The following TULP4 variants were observed in gnomAD, a reference collection of about 807,000 sequenced individuals.
TULP4 encodes tubby-related protein 4.
TULP4 carries 16 observed loss-of-function variants against 129.0 expected under a neutral mutation model. The ratio of observed to expected loss-of-function variants is 0.12; its 90% CI spans 0.08 to 0.19. The LOEUF (loss-of-function observed/expected upper bound fraction) is 0.19, where lower values mean the gene tolerates loss of function less well. Ranked by LOEUF, TULP4 falls within the 10% of genes least tolerant of loss-of-function variation. The pLI is 1.00. For missense variants in TULP4, 1,842 were observed against 2,059.1 expected (o/e 0.89, Z 2.04); for synonymous variants, 998 against 854.0 (o/e 1.17, Z -2.94).
intron 1 of TULP4, among the ~76,000 whole-genome samples, chr6:158,245,159 ATTTT>A (rs76155193): frequency 7.3e-6 from 1 of 136,366 alleles, no homozygotes; most frequent in African/African-American, 2.7e-5. Context: ...GGTCAATTAA[ATTTT>A]TTTTTTTTTT....
intron 6 of TULP4, among the ~76,000 whole-genome samples, chr6:158,469,613 C>G (rs1015483979): frequency 1.3e-5 from 2 of 151,872 alleles, no homozygotes; most frequent in Non-Finnish European, 2.9e-5. Flanking sequence ...AGCCACATCT[C>G]TAAGTGTGGA....
chr6:158,310,402 C>T (rs900950046), upstream of TULP4: 1 of 150,368 alleles, frequency 6.7e-6, no homozygotes, highest in African/African-American at 2.5e-5. Flanking sequence ...CTCACCGCAA[C>T]CTCTGCCTTT....
chr6:158,311,373 A>G (rs1779347948), upstream of TULP4, among the ~76,000 whole-genome samples: 1 of 151,408 alleles, frequency 6.6e-6, no homozygotes, highest in Non-Finnish European at 1.5e-5. Flanking sequence ...GCGGGAGGGC[A>G]GGGAGGATGA....
chr6:158,394,662 C>T (rs534912387), intron 1 of TULP4, among the ~76,000 whole-genome samples: 2 of 151,480 alleles, frequency 1.3e-5, no homozygotes, highest in South Asian at 4.2e-4. Context: ...TGGCGGGCGC[C>T]TGTAGTCCCA....
At chr6:158,483,765 A>G (rs550189175) in intron 8 of TULP4, among the ~76,000 whole-genome samples, 22 of 152,076 alleles carry the variant, frequency 1.4e-4, no homozygotes, top group Non-Finnish European at 2.6e-4. Flanking sequence ...ATTACGATTC[A>G]TTAGGGCTGG....
intron 6 of TULP4, among the ~76,000 whole-genome samples, chr6:158,474,364 G>A (rs1365292274): frequency 6.6e-6 from 1 of 152,236 alleles, no homozygotes; most frequent in Non-Finnish European, 1.5e-5. Flanking sequence ...GAAACCCTGT[G>A]CTGGCACTGC....
chr6:158,406,279 C>T (rs1408630031), intron 1 of TULP4, among the ~76,000 whole-genome samples: 10 of 152,138 alleles, frequency 6.6e-5, no homozygotes. Context: ...GAGCACTAAA[C>T]ATTTATGTTT....
chr6:158,362,236 T>C (rs1002985310), intron 1 of TULP4, among the ~76,000 whole-genome samples: 2 of 152,230 alleles, frequency 1.3e-5, no homozygotes, highest in African/African-American at 4.8e-5. Flanking sequence ...AATGATCCTT[T>C]ATGGAAAACA....
intron 3 of TULP4, among the ~76,000 whole-genome samples, chr6:158,435,153 A>T (rs929229401): frequency 1.3e-5 from 2 of 152,154 alleles, no homozygotes; most frequent in African/African-American, 2.4e-5. Context: ...ATCTTAAGAC[A>T]ATTTCAAGGC....
intron 8 of TULP4, among the ~76,000 whole-genome samples, chr6:158,489,168 A>C (rs1233489026): frequency 6.6e-6 from 1 of 152,174 alleles, no homozygotes; most frequent in Non-Finnish European, 1.5e-5. Context: ...CAGGCTTGGC[A>C]TCCGCAAGGG....
At chr6:158,308,634 AC>A (rs1180889372), upstream of TULP4, among the ~76,000 whole-genome samples, 10 of 140,252 alleles carry the variant, frequency 7.1e-5, no homozygotes, top group African/African-American at 1.4e-4. Flanking sequence ...CGGGGGGCTG[AC>A]CCCCCCACCT....
intron 8 of TULP4, among the ~76,000 whole-genome samples, chr6:158,484,614 C>T (rs553051702): frequency 5.4e-4 from 82 of 152,062 alleles, no homozygotes; most frequent in African/African-American, 1.9e-3. Context: ...GATTTAGTTA[C>T]TGGCCTTAAA....
chr6:158,423,467 A>G (rs892425239), intron 2 of TULP4, among the ~76,000 whole-genome samples: 2 of 140,476 alleles, frequency 1.4e-5, no homozygotes, highest in Non-Finnish European at 3.3e-5. Context: ...AAGAAATGAT[A>G]AATGTTTAAC....
rs546014244 is a variant in TULP4 at position 158,509,774 on chromosome 6, C to G, written c.*3080C>G. ...CTACCCAGGGGCCTGAAAAGAGGGG[C>G]TGCCCTCCTGCGCCAAGGCAGACAC... On this transcript the variant is annotated 3_prime_UTR_variant, in exon 14 of 14. Coordinates refer to ENST00000367097, the MANE Select transcript of TULP4 (RefSeq NM_020245.5). 6.6e-6 allele frequency: 1 copy of G among 152,364 alleles called. No individual in the cohort carries two copies. Among genetic ancestry groups the G allele is most frequent in the East Asian group, 1.9e-4 (1 of 5,188 alleles). 9.4% of individuals were successfully genotyped at this position (152,364 alleles called of 1,614,324 possible).
intron 1 of TULP4, among the ~76,000 whole-genome samples, chr6:158,335,991 T>C (rs1160715792): frequency 6.6e-6 from 1 of 152,214 alleles, no homozygotes; most frequent in African/African-American, 2.4e-5. Context: ...TGAAGACATA[T>C]ATAGTTTTCT....
In TULP4 at chr6:158,502,556, G is replaced by A; in HGVS notation, c.2893G>A (p.Ala965Thr). 1.2e-6 allele frequency: 2 copies of A among 1,607,732 alleles called. No homozygotes were observed. The highest frequency in any genetic ancestry group is 1.1e-5 in the South Asian group (1 of 91,080). ...TGDPPPYPEI[A>T]SQLAQGRGAA... ...GGACCCACCCCCGTATCCTGAAATT[G>A]CCAGCCAGCTGGCCCAGGGGCGGGG... The change falls in exon 13 of 14, where the codon GCC becomes ACC. Residue 965 changes from alanine to threonine, a missense_variant. Ala to Thr is a moderately conservative substitution (Grantham distance 58, BLOSUM62 0). This residue lies in a region of TULP4 where 1,089 missense variants were observed against 987.1 expected (regional missense o/e 1.10). Transcript: ENST00000367097.
chr6:158,494,158 C>T (rs1044265599), intron 10 of TULP4, among the ~76,000 whole-genome samples: 14 of 152,158 alleles, frequency 9.2e-5, no homozygotes, highest in East Asian at 7.7e-4. Flanking sequence ...GCTGTGACGG[C>T]CTCCTACCCT....
intron 1 of TULP4, among the ~76,000 whole-genome samples, chr6:158,337,791 A>AT (rs11422123): frequency 0.85 from 127,042 of 149,238 alleles, 54,407 homozygotes; most frequent in South Asian, 0.93. Flanking sequence ...TGAATGTTTG[A>AT]TTTTTTTTTT....
At chr6:158,444,082 T>A (rs531571220) in intron 3 of TULP4, among the ~76,000 whole-genome samples, 2 of 151,774 alleles carry the variant, frequency 1.3e-5, no homozygotes, top group East Asian at 1.9e-4. Context: ...TAGCCTGGCG[T>A]GGTGGCGCAA....
Sources: allele counts gnomAD v4.1 joint callset (sites outside exome capture counted in the v4.1 genomes callset), GRCh38; gene constraint gnomAD v4.1.1; regional missense constraint gnomAD v4.1.1; transcripts MANE v1.5; gene names NCBI Gene and HGNC (gene_info 2026-07-23, HGNC 2026-07-21).